Variants in HHAT observed in about 807,000 individuals in gnomAD.
HHAT encodes protein-cysteine N-palmitoyltransferase HHAT.
HHAT carries 47 observed loss-of-function variants against 70.8 expected under a neutral mutation model. The observed-to-expected ratio is 0.66, with a 90% CI of 0.53 to 0.85. The LOEUF is 0.85. Ranked by LOEUF, HHAT falls within the 40% of genes least tolerant of loss-of-function variation. The pLI is 0.00. For synonymous variants in HHAT, 228 were observed against 247.6 expected, an observed-to-expected ratio of 0.92 and a Z score of 0.74; for missense variants, 609 against 604.8, an observed-to-expected ratio of 1.01 and a Z score of -0.07.
chr1:210,637,752 C>T (rs529155420), intron 11 of HHAT, among the ~76,000 whole-genome samples: 9 of 150,390 alleles, frequency 6.0e-5, no homozygotes, highest in Non-Finnish European at 1.3e-4. Context: ...CCCAGCTACT[C>T]GGGAGGCTGA....
chr1:210,525,557 A>G (rs968174074), intron 9 of HHAT, among the ~76,000 whole-genome samples: 1 of 152,152 alleles, frequency 6.6e-6, no homozygotes, highest in Non-Finnish European at 1.5e-5. Context: ...ACCACTTTTG[A>G]GGAAAAACTT....
At chr1:210,435,461 A>G (rs527242022) in intron 7 of HHAT, among the ~76,000 whole-genome samples, 1 of 151,860 alleles carries the variant, frequency 6.6e-6, no homozygotes, top group East Asian at 1.9e-4. Flanking sequence ...TGACATGTTG[A>G]TTTCCTTTCC....
At chr1:210,534,784 T>TA (rs1238688384) in intron 9 of HHAT, among the ~76,000 whole-genome samples, 1 of 152,216 alleles carries the variant, frequency 6.6e-6, no homozygotes, top group East Asian at 1.9e-4. Flanking sequence ...TTTCAAATTT[T>TA]AGAGTTTTGA....
intron 6 of HHAT, among the ~76,000 whole-genome samples, chr1:210,411,218 A>C (rs779683495): frequency 6.6e-6 from 1 of 152,132 alleles, no homozygotes; most frequent in Non-Finnish European, 1.5e-5. Context: ...CTTCCAGTCC[A>C]GCTGCTATCT....
At chr1:210,615,393 T>C (rs980053905) in intron 10 of HHAT, among the ~76,000 whole-genome samples, 1 of 152,216 alleles carries the variant, frequency 6.6e-6, no homozygotes, top group African/African-American at 2.4e-5. Flanking sequence ...ACTTCCTCCT[T>C]TAGCTCGGAG....
chr1:210,495,503 A>AT (rs1377763453), intron 8 of HHAT, among the ~76,000 whole-genome samples: 3 of 152,116 alleles, frequency 2.0e-5, no homozygotes, highest in African/African-American at 7.2e-5. Context: ...ACTCTCAGTT[A>AT]TTGCAAGAAT....
chr1:210,514,836 T>G (rs10735507), intron 9 of HHAT, among the ~76,000 whole-genome samples: 97,540 of 152,112 alleles, frequency 0.64, 31,342 homozygotes, highest in South Asian at 0.7. Context: ...ACATTTGATT[T>G]GAAGCTTTCC....
rs182700210 is a variant in HHAT, at chr1:210,573,156, C to T, written c.1044-14742C>T. The stretch of plus-strand genomic sequence containing the variant: ...ATCTATGCTTATGTCCCAAATGTTC[C>T]GAGACCTTTATAGACCTTTCGAGAG... On this transcript the variant is annotated intron_variant, in intron 9 of 11. Transcript: ENST00000261458. Among the ~76,000 whole-genome samples the T allele has an allele frequency of 1.4e-3, 207 of 152,226 alleles. 2 individuals are homozygous for T. The highest frequency in any genetic ancestry group is 0.01 in the Admixed American group (158 of 15,292).
chr1:210,524,876 T>A (rs1235005148), intron 9 of HHAT, among the ~76,000 whole-genome samples: 2 of 152,022 alleles, frequency 1.3e-5, no homozygotes, highest in African/African-American at 4.8e-5. Context: ...TTAATTTCTT[T>A]CTGCTTGCCT....
chr1:210,618,896 G>A (rs746020692), intron 10 of HHAT, among the ~76,000 whole-genome samples: 4 of 152,222 alleles, frequency 2.6e-5, no homozygotes, highest in Admixed American at 6.5e-5. Flanking sequence ...CGAGTTTGAC[G>A]TAAGTTTAGT....
chr1:210,602,866 A>G (rs943098248), intron 10 of HHAT, among the ~76,000 whole-genome samples: 4 of 151,390 alleles, frequency 2.6e-5, no homozygotes, highest in African/African-American at 9.7e-5. Context: ...CTGGTTACAC[A>G]TTTTCTTCTC....
intron 9 of HHAT, among the ~76,000 whole-genome samples, chr1:210,553,478 TCAG>T (rs1426242011): frequency 6.6e-6 from 1 of 152,134 alleles, no homozygotes; most frequent in Non-Finnish European, 1.5e-5. Flanking sequence ...AAGAGAAACT[TCAG>T]AAACATGAGT....
At chr1:210,539,847 G>A (rs1455902997) in intron 9 of HHAT, among the ~76,000 whole-genome samples, 1 of 152,124 alleles carries the variant, frequency 6.6e-6, no homozygotes, top group Non-Finnish European at 1.5e-5. Context: ...AAATCCTCCT[G>A]GATATGAGAG....
At chr1:210,452,993 GT>G (rs2093785718) in intron 7 of HHAT, among the ~76,000 whole-genome samples, 1 of 152,182 alleles carries the variant, frequency 6.6e-6, no homozygotes, top group Non-Finnish European at 1.5e-5. Context: ...AGTAATCAGA[GT>G]TTTTTAGCTC....
intron 3 of HHAT, among the ~76,000 whole-genome samples, chr1:210,374,496 C>A (rs1179010358): frequency 6.6e-6 from 1 of 152,126 alleles, no homozygotes; most frequent in Admixed American, 6.5e-5. Flanking sequence ...TGAGTCATCA[C>A]CTTGAGATTC....
intron 11 of HHAT, among the ~76,000 whole-genome samples, chr1:210,640,982 T>G (rs1192319465): frequency 6.6e-6 from 1 of 152,230 alleles, no homozygotes; most frequent in African/African-American, 2.4e-5. Context: ...CAGTGCTATT[T>G]TCACTACATC....
intron 4 of HHAT, among the ~76,000 whole-genome samples, chr1:210,395,999 A>G (rs1285893587): frequency 6.6e-6 from 1 of 152,192 alleles, no homozygotes; most frequent in Non-Finnish European, 1.5e-5. Context: ...ACTATCAAGT[A>G]GAGTCAGACC....
intron 11 of HHAT, among the ~76,000 whole-genome samples, chr1:210,633,617 T>A (rs1297518972): frequency 1.3e-5 from 2 of 152,000 alleles, no homozygotes; most frequent in Non-Finnish European, 2.9e-5. Flanking sequence ...TGACTTCATA[T>A]TTATCTTCTC....
At chr1:210,463,852 G>A (rs1327446986) in intron 7 of HHAT, among the ~76,000 whole-genome samples, 1 of 152,140 alleles carries the variant, frequency 6.6e-6, no homozygotes, top group Non-Finnish European at 1.5e-5. Context: ...ATCCTAATGG[G>A]TGCAGACTCA....
Sources: gnomAD v4.1 joint callset for allele counts (sites outside exome capture counted in the v4.1 genomes callset) on GRCh38, gnomAD v4.1.1 for gene constraint, MANE v1.5 for transcripts, NCBI Gene and HGNC (gene_info 2026-07-23, HGNC 2026-07-21) for gene names.